Variants in RAD52 observed in about 807,000 individuals in gnomAD.
The protein encoded by RAD52 is RAD52 DNA repair protein, also known as DNA repair protein RAD52 homolog.
A neutral mutation model predicts 55.5 loss-of-function variants in RAD52; 47 were observed. The ratio of observed to expected loss-of-function variants is 0.85; its 90% confidence interval spans 0.67 to 1.08. The LOEUF is 1.08. Ranked by LOEUF, RAD52 falls within the 50% of genes least tolerant of loss-of-function variation. The pLI is 0.00. For missense variants in RAD52, 468 were observed against 522.8 expected, an observed-to-expected ratio of 0.90 and a Z score of 1.02; for synonymous variants, 184 against 198.9, an observed-to-expected ratio of 0.92 and a Z score of 0.63.
At chr12:932,384 A>G (rs752618910) in intron 2 of RAD52, among the ~76,000 whole-genome samples, 1 of 152,122 alleles carries the variant, frequency 6.6e-6, no homozygotes, top group Non-Finnish European at 1.5e-5. Flanking sequence ...TATCCCAGCT[A>G]CTTGGGAGGC....
At chr12:946,202 T>C (rs1958220473) in intron 1 of RAD52, among the ~76,000 whole-genome samples, 1 of 152,168 alleles carries the variant, frequency 6.6e-6, no homozygotes, top group Non-Finnish European at 1.5e-5. Context: ...AGCCTTATTT[T>C]AGCTTCTCTC....
chr12:942,996 C>T (rs1268926471), intron 1 of RAD52, among the ~76,000 whole-genome samples: 2 of 152,084 alleles, frequency 1.3e-5, no homozygotes, highest in African/African-American at 4.8e-5. Context: ...AATAAAAAGA[C>T]ACACAACCCA....
At chr12:927,118 A>T in intron 6 of RAD52, 27 bp downstream of exon 6, 1 of 1,593,630 alleles carries the variant, frequency 6.3e-7, no homozygotes, top group Non-Finnish European at 8.6e-7. Context: ...GAAATGACGC[A>T]GGTTAGACTC....
intron 1 of RAD52, among the ~76,000 whole-genome samples, chr12:970,180 G>GCT: frequency 6.6e-6 from 1 of 151,880 alleles, no homozygotes; most frequent in Non-Finnish European, 1.5e-5. Flanking sequence ...GGTGGCAGGT[G>GCT]CCTGTGATCC....
chr12:957,813 CA>C (rs1465050071), intron 1 of RAD52, among the ~76,000 whole-genome samples: 1 of 152,072 alleles, frequency 6.6e-6, no homozygotes, highest in Non-Finnish European at 1.5e-5. Context: ...TAATAAAAAA[CA>C]AAAAAAGAAT....
chr12:930,201 T>C (rs1592373295), intron 3 of RAD52, 57 bp from the exon 4 acceptor site: 3 of 1,317,084 alleles, frequency 2.3e-6, no homozygotes, highest in South Asian at 1.3e-5. Context: ...CACACTTAAA[T>C]GTGAATCAAA....
At chr12:980,757 C>T (rs572273816) in intron 1 of RAD52, among the ~76,000 whole-genome samples, 1 of 152,226 alleles carries the variant, frequency 6.6e-6, no homozygotes, top group Admixed American at 6.5e-5. Context: ...ACCACCATGC[C>T]ACCGCGCCTG....
At chr12:915,321 C>A (rs938838509) in intron 9 of RAD52, among the ~76,000 whole-genome samples, 2 of 152,314 alleles carry the variant, frequency 1.3e-5, no homozygotes, top group Admixed American at 6.5e-5. Context: ...GTAAGGATAT[C>A]CACAGGACAG....
intron 1 of RAD52, among the ~76,000 whole-genome samples, chr12:956,257 C>T (rs549844145): frequency 6.6e-5 from 10 of 152,272 alleles, no homozygotes; most frequent in African/African-American, 2.4e-4. Flanking sequence ...ATAATTCTGA[C>T]GTCGTTAGAA....
intron 7 of RAD52, among the ~76,000 whole-genome samples, chr12:924,320 G>A (rs1383330651): frequency 6.6e-6 from 1 of 151,858 alleles, no homozygotes; most frequent in East Asian, 1.9e-4. Flanking sequence ...TGAGGCAGGA[G>A]CATCGCTGGA....
chr12:927,620 C>T (rs756433396), intron 5 of RAD52, among the ~76,000 whole-genome samples: 9 of 152,088 alleles, frequency 5.9e-5, no homozygotes, highest in Non-Finnish European at 1.0e-4. Flanking sequence ...AATCCCAGCC[C>T]TTTGGGAGGT....
intron 1 of RAD52, among the ~76,000 whole-genome samples, chr12:970,431 A>G (rs1473729970): frequency 6.6e-6 from 1 of 152,012 alleles, no homozygotes; most frequent in Non-Finnish European, 1.5e-5. Flanking sequence ...TTTATGTAGC[A>G]CAATCTTAGG....
intron 1 of RAD52, among the ~76,000 whole-genome samples, chr12:983,312 TAC>T (rs1235735210): frequency 3.9e-5 from 6 of 152,178 alleles, no homozygotes; most frequent in Admixed American, 6.5e-5. Flanking sequence ...AATAAAATAA[TAC>T]AGTTTGGGTG....
Position 912,902 on chromosome 12 carries a change from C to A in RAD52, c.*489G>T. On this transcript the variant is annotated 3_prime_UTR_variant, in exon 12 of 12. Coordinates refer to ENST00000358495, the MANE Select transcript of RAD52 (RefSeq NM_134424.4). ...TGGATTGATACAAAGTAGTGAAAAGCACTGCTCCAACCTTTTTCCTGTCGT... is the reference window on the plus strand; with the variant it reads ...TGGATTGATACAAAGTAGTGAAAAGAACTGCTCCAACCTTTTTCCTGTCGT... 1 of 197,744 alleles carries A rather than the reference C, an allele frequency of 5.1e-6. No individual in the cohort carries two copies. The allele number at this position is 197,744 out of a possible 1,614,324, so 12.2% of individuals were successfully genotyped here. A position where few individuals can be genotyped will look rare whatever the true frequency, so the allele number is the denominator to read the frequency against.
chr12:968,226 C>T (rs949155993), intron 1 of RAD52, among the ~76,000 whole-genome samples: 1 of 152,084 alleles, frequency 6.6e-6, no homozygotes, highest in Admixed American at 6.5e-5. Flanking sequence ...ATCTGGGAGG[C>T]ATTTATCAAG....
upstream of RAD52, among the ~76,000 whole-genome samples, chr12:951,970 T>A (rs1286778785): frequency 2.0e-5 from 3 of 152,008 alleles, no homozygotes; most frequent in Non-Finnish European, 4.4e-5. Flanking sequence ...TATGAAAAAC[T>A]TTTTTTTCTA....
At chr12:948,045 T>C (rs1448129954) in intron 1 of RAD52, among the ~76,000 whole-genome samples, 1 of 148,330 alleles carries the variant, frequency 6.7e-6, no homozygotes, top group Non-Finnish European at 1.5e-5. Flanking sequence ...GGACTAGACC[T>C]AGAAAGCCTA....
intron 5 of RAD52, among the ~76,000 whole-genome samples, chr12:928,240 G>A (rs1441514061): frequency 2.0e-5 from 3 of 152,146 alleles, no homozygotes; most frequent in African/African-American, 7.2e-5. Flanking sequence ...GGCCGGGTGC[G>A]GTGGCTCACG....
intron 5 of RAD52, 143 bp downstream of exon 5, chr12:929,676 T>G: frequency 1.2e-6 from 1 of 840,908 alleles, no homozygotes; most frequent in Non-Finnish European, 2.1e-6. Flanking sequence ...CAAGAGTATT[T>G]GAATTCCACC....
Sources: allele counts gnomAD v4.1 joint callset (sites outside exome capture counted in the v4.1 genomes callset), GRCh38; gene constraint gnomAD v4.1.1; transcripts MANE v1.5; gene names NCBI Gene and HGNC (gene_info 2026-07-23, HGNC 2026-07-21).